Variants in ERCC4 observed in about 807,000 individuals in gnomAD.
ERCC4 encodes ERCC excision repair 4, endonuclease catalytic subunit.
A neutral mutation model predicts 76.9 loss-of-function variants in ERCC4; 65 were observed. The ratio of observed to expected loss-of-function variants is 0.84; its 90% CI spans 0.69 to 1.04. The LOEUF is 1.04. Among genes scored for constraint, ERCC4 ranks in the 50% least tolerant of loss-of-function variants. The probability of loss-of-function intolerance (pLI) is 0.00; values close to 1 mark genes in which losing one functional copy is unlikely to be tolerated. For missense variants in ERCC4, 1,214 were observed against 1,128.2 expected, an observed-to-expected ratio of 1.08 and a Z score of -1.09; for synonymous variants, 463 against 410.1, an observed-to-expected ratio of 1.13 and a Z score of -1.56.
chr16:13,933,045 CAAAAAAAAAAAAA>C (rs11337706), intron 6 of ERCC4: 13 of 217,432 alleles, frequency 6.0e-5, no homozygotes, highest in Non-Finnish European at 1.1e-4. Flanking sequence ...GACTCGGTCT[CAAAAAAAAAAAAA>C]AAAAAAAAAC....
chr16:13,934,776 G>A (rs3136148), intron 7 of ERCC4: 10,297 of 232,830 alleles, frequency 0.044, 321 homozygotes, highest in Middle Eastern at 0.066. Flanking sequence ...TGTCTAAATT[G>A]GCAGAGGAGA....
intron 10 of ERCC4, 59 bp downstream of exon 10, chr16:13,944,894 A>G: frequency 9.0e-7 from 1 of 1,106,576 alleles, no homozygotes; most frequent in Non-Finnish European, 1.4e-6. Flanking sequence ...GTGAAGTTCC[A>G]GAGTTACTCT....
At position 13,944,823 on chromosome 16, in the gene ERCC4, A is replaced by G. The variant is rs769863971; in HGVS notation, c.2005A>G (p.Thr669Ala). Reference sequence around the variant, plus strand: ...AGCATCTGCAGATGTTTCCACTGACACTCGGAAAGCCGGTGAGTCCTGCAC... The same window carrying G: ...AGCATCTGCAGATGTTTCCACTGACGCTCGGAAAGCCGGTGAGTCCTGCAC... ...GTASADVSTD[T>A]RKAGGQEQNG... The change falls in exon 10 of 11, where the codon ACT becomes GCT. Residue 669 changes from threonine (T) to alanine (A), a missense_variant. Coordinates refer to ENST00000311895, the MANE Select transcript of ERCC4 (RefSeq NM_005236.3). 1.2e-6 allele frequency: 2 copies of G among 1,610,652 alleles called. No homozygotes were observed. The highest frequency in any genetic ancestry group is 1.1e-5 in the South Asian group (1 of 90,996).
At chr16:13,934,951 A>C in intron 7 of ERCC4, 195 bp from the exon 8 acceptor site, 3 of 543,514 alleles carry the variant, frequency 5.5e-6, no homozygotes, top group Non-Finnish European at 9.9e-6. Flanking sequence ...TTTACTGAAA[A>C]GATTTAAGTA....
Position 13,932,148 on chromosome 16 carries a change from T to C in ERCC4, c.974-9T>C. 1 of 1,612,204 alleles carries C rather than the reference T, an allele frequency of 6.2e-7. No individual in the cohort carries two copies. The highest frequency in any genetic ancestry group is 8.5e-7 in the Non-Finnish European group (1 of 1,178,416). On this transcript the variant is annotated splice_polypyrimidine_tract_variant and intron_variant, in intron 5 of 10. Transcript: ENST00000311895. Reference sequence around the variant, plus strand: ...TGATGGCACTTTTTCTTTTAACTTTTCGTATTAGGTTGGCTGTTTCTTGAC... The same window carrying C: ...TGATGGCACTTTTTCTTTTAACTTTCCGTATTAGGTTGGCTGTTTCTTGAC...
chr16:13,930,847 G>A lies in ERCC4; in HGVS notation c.930G>A (p.Leu310=). The change falls in exon 5 of 11, where the codon CTG becomes CTA. Residue 310 remains leucine (L), a synonymous_variant. Transcript: ENST00000311895. ...QYDCVTFLNL[L]ESLRATEKAF... is the part of the protein sequence containing the mutation. ...ATTGTGTCACATTTCTTAATCTTCT[G>A]GAATCTCTGAGAGCAACGGAAAAAG... 2 of 1,613,554 alleles carry A rather than the reference G, an allele frequency of 1.2e-6. No homozygotes were observed. The highest frequency in any genetic ancestry group is 1.1e-5 in the South Asian group (1 of 91,068).
At position 13,948,559 on chromosome 16, in the gene ERCC4, C is replaced by T. The variant is rs2141621900; in HGVS notation, c.*212C>T. 1 of 589,316 alleles carries T rather than the reference C, an allele frequency of 1.7e-6. No homozygotes were observed. Among genetic ancestry groups the T allele is most frequent in the East Asian group, 2.9e-5 (1 of 34,460 alleles). The allele number at this position is 589,316 out of a possible 1,614,324, so 36.5% of individuals were successfully genotyped here. ...GTGCCTGCTCTTTTTCCTCCCTGCA[C>T]CGTCTATGCCGGGCTTAGCATGTTT... On this transcript the variant is annotated 3_prime_UTR_variant, in exon 11 of 11. Coordinates refer to ENST00000311895, the MANE Select transcript of ERCC4 (RefSeq NM_005236.3).
At chr16:13,937,437 G>A (rs2032322518) in intron 8 of ERCC4, among the ~76,000 whole-genome samples, 2 of 152,138 alleles carry the variant, frequency 1.3e-5, no homozygotes, top group Admixed American at 6.5e-5. Flanking sequence ...AATTGGAGAA[G>A]CCTCTAAAAT....
chr16:13,944,980 C>G (rs1383263495), intron 10 of ERCC4, 145 bp downstream of exon 10: 4 of 608,400 alleles, frequency 6.6e-6, no homozygotes, highest in Non-Finnish European at 1.2e-5. Context: ...CTTCCCTACT[C>G]TAATCTCAGC....
At chr16:13,937,355 AC>A (rs1188738203) in intron 8 of ERCC4, among the ~76,000 whole-genome samples, 1 of 152,188 alleles carries the variant, frequency 6.6e-6, no homozygotes, top group Non-Finnish European at 1.5e-5. Flanking sequence ...ATTAAAAAAA[AC>A]GTTCATAGGC....
chr16:13,941,634 A>T (rs1596632018), intron 9 of ERCC4, among the ~76,000 whole-genome samples: 1 of 152,328 alleles, frequency 6.6e-6, no homozygotes, highest in East Asian at 1.9e-4. Context: ...TAGATAACAG[A>T]TAAAGTGGAA....
At chr16:13,940,665 AAGC>A (rs1336432117) in intron 9 of ERCC4, among the ~76,000 whole-genome samples, 1 of 152,236 alleles carries the variant, frequency 6.6e-6, no homozygotes, top group Non-Finnish European at 1.5e-5. Context: ...CCAGCCCCCA[AAGC>A]AGCAACAGAC....
intron 2 of ERCC4, among the ~76,000 whole-genome samples, chr16:13,924,571 G>A (rs542466420): frequency 1.3e-5 from 2 of 152,328 alleles, no homozygotes; most frequent in South Asian, 4.1e-4. Context: ...ACAGTATGGT[G>A]AACTCGTGAG....
chr16:13,948,097 A>T lies in ERCC4; in HGVS notation c.2501A>T (p.Asp834Val). The change falls in exon 11 of 11, where the codon GAT (aspartate) becomes GTT (valine). Residue 834 changes from aspartate to valine, a missense_variant. Asp to Val is a radical substitution (Grantham distance 152). Coordinates refer to ENST00000311895, the MANE Select transcript of ERCC4 (RefSeq NM_005236.3). ...DAATALAITA[D>V]SETLPESEKY... ...GCGACAGCACTGGCCATTACAGCAGATTCTGAAACCCTTCCCGAGTCAGAG... is the reference window on the plus strand; with the variant it reads ...GCGACAGCACTGGCCATTACAGCAGTTTCTGAAACCCTTCCCGAGTCAGAG... The T allele has an allele frequency of 6.2e-7, 1 of 1,614,166 alleles. No homozygotes were observed. Among genetic ancestry groups the T allele is most frequent in the African/African-American group, 1.3e-5 (1 of 75,030 alleles).
chr16:13,942,029 G>C (rs1036664578), intron 9 of ERCC4, among the ~76,000 whole-genome samples: 4 of 151,666 alleles, frequency 2.6e-5, no homozygotes, highest in Non-Finnish European at 1.5e-5. Context: ...GACCACCATG[G>C]GCAACATGTG....
chr16:13,946,453 C>G (rs2141618611), intron 10 of ERCC4, among the ~76,000 whole-genome samples: 1 of 152,316 alleles, frequency 6.6e-6, no homozygotes, highest in Middle Eastern at 3.4e-3. Context: ...GTAAACACAT[C>G]TAAACATAGA....
chr16:13,929,964 A>AAAT (rs1013588872), intron 4 of ERCC4, among the ~76,000 whole-genome samples: 22 of 152,190 alleles, frequency 1.4e-4, no homozygotes, highest in African/African-American at 2.4e-4. Flanking sequence ...CTCCATCTCA[A>AAAT]AATAATAATA....
At chr16:13,927,065 T>A (rs375471043) in intron 3 of ERCC4, among the ~76,000 whole-genome samples, 2 of 152,202 alleles carry the variant, frequency 1.3e-5, no homozygotes, top group African/African-American at 4.8e-5. Flanking sequence ...GAGACCCACA[T>A]ATACAACAGC....
In ERCC4 at chr16:13,952,074, G is replaced by GT. The variant is rs1365972505; in HGVS notation, c.*3734dup. 3 of 195,500 alleles carry GT rather than the reference G, an allele frequency of 1.5e-5. No homozygotes were observed. The highest frequency in any genetic ancestry group is 8.0e-5 in the East Asian group (1 of 12,432). 12.1% of individuals were successfully genotyped at this position (195,500 alleles called of 1,614,324 possible). On this transcript the variant is annotated 3_prime_UTR_variant, in exon 11 of 11. Transcript: ENST00000311895. ...TGGTAGCCTAAACCGCTATGCTGTTGTTTTTTTAATTTAAAGATGTATAAG... is the reference window on the plus strand; with the variant it reads ...TGGTAGCCTAAACCGCTATGCTGTTGTTTTTTTTAATTTAAAGATGTATAAG...
Sources: gnomAD v4.1 joint callset for allele counts (sites outside exome capture counted in the v4.1 genomes callset) on GRCh38, gnomAD v4.1.1 for gene constraint, MANE v1.5 for transcripts, NCBI Gene and HGNC (gene_info 2026-07-23, HGNC 2026-07-21) for gene names.